The following PRKCE variants were observed in gnomAD, a reference collection of about 807,000 sequenced individuals.
PRKCE encodes the protein protein kinase C epsilon.
A neutral mutation model predicts 85.4 loss-of-function variants in PRKCE; 16 were observed. The observed-to-expected ratio is 0.19, with a 90% confidence interval of 0.13 to 0.28. The LOEUF (loss-of-function observed/expected upper bound fraction) is 0.28, where lower values mean the gene tolerates loss of function less well. PRKCE is among the 10% of genes least tolerant of loss of function. The pLI is 1.00. For synonymous variants in PRKCE, 388 were observed against 371.5 expected, an observed-to-expected ratio of 1.04 and a Z score of -0.51; for missense variants, 573 against 975.2, an observed-to-expected ratio of 0.59 and a Z score of 5.49.
chr2:45,976,465 G>A lies in PRKCE; in HGVS notation c.449G>A (p.Arg150His), dbSNP rs752964225. 65 of 1,599,634 alleles carry A rather than the reference G, an allele frequency of 4.1e-5. 2 individuals carry two copies. The highest frequency in any genetic ancestry group is 3.3e-4 in the Middle Eastern group (2 of 6,082). The change falls in exon 3 of 15, where the codon CGC (arginine) becomes CAC (histidine). Residue 150 changes from arginine to histidine, a missense_variant. Physicochemically the swap from Arg to His is conservative, Grantham distance 29 (BLOSUM62 0). Around this residue, in one of 11 missense-constraint regions of PRKCE, gnomAD observed 33 missense variants for 33.7 expected, o/e 0.98. Coordinates refer to ENST00000306156, the MANE Select transcript of PRKCE (RefSeq NM_005400.3). ...KDNEERVFRE[R>H]MRPRKRQGAV... ...AATGAAGAGCGTGTGTTCAGGGAACGCATGCGGCCGAGGAAGCGGCAGGGG... is the reference window on the plus strand; with the variant it reads ...AATGAAGAGCGTGTGTTCAGGGAACACATGCGGCCGAGGAAGCGGCAGGGG...
intron 1 of PRKCE, among the ~76,000 whole-genome samples, chr2:45,722,627 C>T (rs993772971): frequency 6.6e-6 from 1 of 152,174 alleles, no homozygotes; most frequent in Non-Finnish European, 1.5e-5. Context: ...CTTTTACTTC[C>T]TGGAGCCATT....
At chr2:45,775,444 C>CTTTGAA (rs1685675776) in intron 1 of PRKCE, among the ~76,000 whole-genome samples, 1 of 152,190 alleles carries the variant, frequency 6.6e-6, no homozygotes, top group Non-Finnish European at 1.5e-5. Flanking sequence ...TTCATACTGC[C>CTTTGAA]TTTGAATTTC....
intron 1 of PRKCE, among the ~76,000 whole-genome samples, chr2:45,768,180 A>G (rs1201720555): frequency 6.6e-6 from 1 of 152,094 alleles, no homozygotes; most frequent in East Asian, 1.9e-4. Context: ...GGTAGATGTG[A>G]TCTCTTAGGA....
intron 1 of PRKCE, among the ~76,000 whole-genome samples, chr2:45,746,936 G>A (rs1683185608): frequency 6.6e-6 from 1 of 152,004 alleles, no homozygotes; most frequent in African/African-American, 2.4e-5. Flanking sequence ...TACCTGTCTA[G>A]CCTCTTGCTA....
chr2:45,699,618 A>C (rs1455065594), intron 1 of PRKCE, among the ~76,000 whole-genome samples: 1 of 152,210 alleles, frequency 6.6e-6, no homozygotes, highest in Non-Finnish European at 1.5e-5. Context: ...TACAGAGGCC[A>C]AACTTGTTTT....
In PRKCE at chr2:45,661,414, C is replaced by G. The variant is rs535303423; in HGVS notation, c.348+8966C>G. 1.7e-3 allele frequency among the ~76,000 whole-genome samples: 256 copies of G among 151,760 alleles called. 1 individual carries two copies. The highest frequency in any genetic ancestry group is 6.9e-3 in the Middle Eastern group (2 of 290). Reference sequence around the variant, plus strand: ...GCCAGGGTGGTCTTAAACTCCTGACCTTAAGTGATCCACCCGCCTCAGCCT... The same window carrying G: ...GCCAGGGTGGTCTTAAACTCCTGACGTTAAGTGATCCACCCGCCTCAGCCT... On this transcript the variant is annotated intron_variant, in intron 1 of 14. Coordinates refer to ENST00000306156, the MANE Select transcript of PRKCE (RefSeq NM_005400.3).
At chr2:45,710,642 T>A (rs1301940939) in intron 1 of PRKCE, among the ~76,000 whole-genome samples, 1 of 152,220 alleles carries the variant, frequency 6.6e-6, no homozygotes, top group East Asian at 1.9e-4. Context: ...CTCTGGACAT[T>A]GCGGCTCCAG....
chr2:45,867,709 C>T (rs1693720495), intron 2 of PRKCE, among the ~76,000 whole-genome samples: 1 of 151,936 alleles, frequency 6.6e-6, no homozygotes, highest in Middle Eastern at 3.4e-3. Flanking sequence ...AGATTTATAC[C>T]TGAGGGTTTT....
intron 1 of PRKCE, among the ~76,000 whole-genome samples, chr2:45,837,873 A>G (rs1404276200): frequency 6.6e-6 from 1 of 152,196 alleles, no homozygotes; most frequent in Non-Finnish European, 1.5e-5. Context: ...CTGTCTCAAA[A>G]ATTTTTTTTG....
intron 2 of PRKCE, among the ~76,000 whole-genome samples, chr2:45,857,662 C>G (rs1692786642): frequency 6.6e-6 from 1 of 151,998 alleles, no homozygotes. Context: ...ATCTGCCTGC[C>G]TTGGCCTCCC....
At chr2:46,047,883 C>A (rs1428833439) in intron 10 of PRKCE, among the ~76,000 whole-genome samples, 1 of 152,108 alleles carries the variant, frequency 6.6e-6, no homozygotes, top group African/African-American at 2.4e-5. Context: ...CTGTCAAGTA[C>A]CAGAAAATCC....
At chr2:45,654,386 C>T (rs919386333) in intron 1 of PRKCE, among the ~76,000 whole-genome samples, 4 of 152,202 alleles carry the variant, frequency 2.6e-5, no homozygotes, top group Non-Finnish European at 2.9e-5. Flanking sequence ...TGGATTTGGC[C>T]CTAGGCCAGA....
Position 45,669,976 on chromosome 2 carries a change from A to G in PRKCE, c.348+17528A>G, listed in dbSNP as rs1676081062. Among the ~76,000 whole-genome samples the G allele has an allele frequency of 5.9e-5, 9 of 152,326 alleles. No individual in the cohort carries two copies. In the South Asian group the frequency reaches 1.9e-3, roughly 32 times the overall value. ...CAGTGAGCTGAGATTGCACCACTGC[A>G]CTCCAGCCTGGGCAACAGAGTGAGA... On this transcript the variant is annotated intron_variant, in intron 1 of 14. Transcript: ENST00000306156.
intron 2 of PRKCE, among the ~76,000 whole-genome samples, chr2:45,844,290 CA>C: frequency 6.6e-6 from 1 of 152,320 alleles, no homozygotes; most frequent in East Asian, 1.9e-4. Flanking sequence ...AAACTTTAAA[CA>C]GCCTTCCAAA....
At position 45,713,800 on chromosome 2, in the gene PRKCE, A is replaced by G. The variant is rs1374988757; in HGVS notation, c.348+61352A>G. ...TAGAAATAGATCTGGATTTGCAGGC[A>G]TTCCATTTATGGGCACCTGTTTCAG... On this transcript the variant is annotated intron_variant, in intron 1 of 14. Transcript: ENST00000306156. 3.9e-5 allele frequency among the ~76,000 whole-genome samples: 6 copies of G among 152,354 alleles called. No individual in the cohort carries two copies. The East Asian group carries it at 1.2e-3, about 29-fold the overall frequency.
chr2:45,903,897 T>TTGTC (rs1212506169), intron 2 of PRKCE, among the ~76,000 whole-genome samples: 8 of 94,312 alleles, frequency 8.5e-5, no homozygotes, highest in African/African-American at 2.5e-4. Flanking sequence ...TTTTGTTTGT[T>TTGTC]TGTTTGTTTG....
intron 2 of PRKCE, among the ~76,000 whole-genome samples, chr2:45,972,618 C>G (rs763411565): frequency 1.5e-4 from 23 of 152,174 alleles, no homozygotes; most frequent in African/African-American, 2.9e-4. Context: ...AGTATTCAAT[C>G]CACGTTTAGT....
intron 10 of PRKCE, among the ~76,000 whole-genome samples, chr2:46,052,720 A>G (rs1357040709): frequency 6.6e-6 from 1 of 152,250 alleles, no homozygotes; most frequent in Non-Finnish European, 1.5e-5. Context: ...AAAAGAACAC[A>G]GTTGGAGGAC....
At chr2:46,095,762 G>A (rs1198641325) in intron 11 of PRKCE, among the ~76,000 whole-genome samples, 1 of 152,190 alleles carries the variant, frequency 6.6e-6, no homozygotes, top group Non-Finnish European at 1.5e-5. Flanking sequence ...CCATCTTTGT[G>A]TGTAATTTTG....
Sources: allele counts gnomAD v4.1 joint callset (sites outside exome capture counted in the v4.1 genomes callset), GRCh38; gene constraint gnomAD v4.1.1; regional missense constraint gnomAD v4.1.1; transcripts MANE v1.5; gene names NCBI Gene and HGNC (gene_info 2026-07-23, HGNC 2026-07-21).